Variants in CPNE5 observed in about 807,000 individuals in gnomAD.
CPNE5 encodes the protein copine 5.
A neutral mutation model predicts 81.1 loss-of-function variants in CPNE5; 42 were observed. The observed-to-expected ratio is 0.52, with a 90% CI of 0.40 to 0.67. The LOEUF (loss-of-function observed/expected upper bound fraction) is 0.67, where lower values mean the gene tolerates loss of function less well. CPNE5 is among the 30% of genes least tolerant of loss of function. The probability of loss-of-function intolerance (pLI) is 0.00; values close to 1 mark genes in which losing one functional copy is unlikely to be tolerated. For missense variants in CPNE5, 612 were observed against 815.5 expected (o/e 0.75, Z 3.04); for synonymous variants, 313 against 321.5 (o/e 0.97, Z 0.28).
At chr6:36,756,138 C>T (rs571026886) in intron 13 of CPNE5, 107 bp downstream of exon 13, 29 of 714,204 alleles carry the variant, frequency 4.1e-5, no homozygotes, top group East Asian at 6.6e-5. Context: ...CTGATTCCCA[C>T]GCTCAGCCCC....
intron 1 of CPNE5, among the ~76,000 whole-genome samples, chr6:36,837,876 G>A (rs570888225): frequency 2.2e-4 from 34 of 152,196 alleles, no homozygotes; most frequent in African/African-American, 7.7e-4. Flanking sequence ...TGGGGAGGCC[G>A]TGCTGCTTTT....
At chr6:36,756,871 G>A (rs1048660124) in intron 12 of CPNE5, among the ~76,000 whole-genome samples, 4 of 152,172 alleles carry the variant, frequency 2.6e-5, no homozygotes, top group African/African-American at 9.7e-5. Flanking sequence ...TAAATCATGG[G>A]GCTAGGCTCA....
chr6:36,767,496 T>C (rs976451789), intron 10 of CPNE5, among the ~76,000 whole-genome samples: 4 of 152,228 alleles, frequency 2.6e-5, no homozygotes, highest in African/African-American at 9.7e-5. Flanking sequence ...ACTTCGGTCA[T>C]GGCCCCACAA....
intron 8 of CPNE5, among the ~76,000 whole-genome samples, chr6:36,779,292 G>A (rs931878653): frequency 6.6e-6 from 1 of 152,180 alleles, no homozygotes; most frequent in African/African-American, 2.4e-5. Flanking sequence ...GTTTTCATGA[G>A]GACTAAATGA....
chr6:36,807,712 T>A (rs567277783), intron 3 of CPNE5, among the ~76,000 whole-genome samples: 2 of 152,246 alleles, frequency 1.3e-5, no homozygotes, highest in South Asian at 4.2e-4. Flanking sequence ...TCTAGATATC[T>A]TCTGTATGCG....
upstream of CPNE5, chr6:36,839,547 C>A (rs118013238): frequency 0.037 from 18,859 of 507,242 alleles, 1,458 homozygotes; most frequent in East Asian, 0.29. The surrounding 1 kb of genome is among the most constrained non-coding windows in gnomAD (Gnocchi z 7.3). Context: ...GGGAAGAGGG[C>A]GGAGGGAGCG....
chr6:36,799,052 C>T (rs1204739760), intron 4 of CPNE5, among the ~76,000 whole-genome samples: 1 of 152,140 alleles, frequency 6.6e-6, no homozygotes, highest in African/African-American at 2.4e-5. Flanking sequence ...CTACAGCTGG[C>T]CTCCTCCCCT....
intron 12 of CPNE5, among the ~76,000 whole-genome samples, chr6:36,760,039 T>A (rs1251595498): frequency 6.7e-6 from 1 of 148,510 alleles, no homozygotes; most frequent in Non-Finnish European, 1.5e-5. Flanking sequence ...AAAACCCATC[T>A]CTACCAAAAA....
At chr6:36,834,254 C>CAAAAAAAA (rs1157250827) in intron 1 of CPNE5, among the ~76,000 whole-genome samples, 462 of 21,606 alleles carry the variant, frequency 0.021, 7 homozygotes, top group South Asian at 0.027. Context: ...GACTGTATCT[C>CAAAAAAAA]AAAAAAAAAA....
intron 11 of CPNE5, among the ~76,000 whole-genome samples, chr6:36,763,914 G>A (rs1359385192): frequency 6.6e-6 from 1 of 152,088 alleles, no homozygotes; most frequent in Non-Finnish European, 1.5e-5. Context: ...ACACCTTCTG[G>A]AGTGCTTACA....
At chr6:36,794,553 C>G in intron 7 of CPNE5, 37 bp downstream of exon 7, 1 of 1,602,940 alleles carries the variant, frequency 6.2e-7, no homozygotes, top group Non-Finnish European at 8.5e-7. Context: ...GGCTGAATGT[C>G]TAAGGACTCC....
In CPNE5 at chr6:36,811,522, CT is replaced by C. The variant is rs759646710; in HGVS notation, c.183+10591del. Reference sequence around the variant, plus strand: ...GGCAGGTGGTGGGCCCATTTTTAAACTTGACTTTGGAGTGCACACTTTCAAC... The same window carrying C: ...GGCAGGTGGTGGGCCCATTTTTAAACTGACTTTGGAGTGCACACTTTCAAC... On this transcript the variant is annotated intron_variant, in intron 3 of 20. Transcript: ENST00000244751. 2.6e-5 allele frequency among the ~76,000 whole-genome samples: 4 copies of C among 152,290 alleles called. No homozygotes were observed. The East Asian group carries it at 5.8e-4, about 22-fold the overall frequency.
At chr6:36,764,088 ACCCC>A (rs1766326512) in intron 11 of CPNE5, among the ~76,000 whole-genome samples, 1 of 38,792 alleles carries the variant, frequency 2.6e-5, no homozygotes, top group Non-Finnish European at 6.2e-5. Flanking sequence ...CCACCCCCCC[ACCCC>A]CCACCGTGAG....
At chr6:36,747,663 C>T (rs1764327510) in intron 15 of CPNE5, among the ~76,000 whole-genome samples, 1 of 152,148 alleles carries the variant, frequency 6.6e-6, no homozygotes, top group Non-Finnish European at 1.5e-5. Flanking sequence ...CTAATAGAGC[C>T]CAGAGCCCAA....
At chr6:36,790,936 AC>A (rs1386416282) in intron 8 of CPNE5, among the ~76,000 whole-genome samples, 1 of 152,262 alleles carries the variant, frequency 6.6e-6, no homozygotes, top group African/African-American at 2.4e-5. Context: ...ATTAATACAT[AC>A]ATTAAAATTC....
At chr6:36,780,104 C>T (rs914220860) in intron 8 of CPNE5, among the ~76,000 whole-genome samples, 1 of 152,222 alleles carries the variant, frequency 6.6e-6, no homozygotes, top group Admixed American at 6.5e-5. Context: ...GCTGGGACTA[C>T]AGGCGCCCGC....
intron 1 of CPNE5, among the ~76,000 whole-genome samples, chr6:36,832,176 C>T (rs562859370): frequency 6.6e-5 from 10 of 152,284 alleles, no homozygotes; most frequent in Admixed American, 2.0e-4. Flanking sequence ...GTCCATTGAC[C>T]GTAGGAAAAT....
At position 36,762,989 on chromosome 6, in the gene CPNE5, A is replaced by G. The variant is rs775457350; in HGVS notation, c.783T>C (p.His261=). The G allele has an allele frequency of 3.7e-6, 6 of 1,614,156 alleles. No individual in the cohort carries two copies. In the South Asian group the frequency reaches 6.6e-5, roughly 18 times the overall value. Residue 261 remains histidine, a synonymous_variant, in exon 12 of 21, where the codon CAT becomes CAC. Coordinates refer to ENST00000244751, the MANE Select transcript of CPNE5 (RefSeq NM_020939.2). ...TGGTGGTGAACTCCCCAATGAAGTCATGGCTGCAAGGGAAGACGGCTGCTG... is the reference window on the plus strand; with the variant it reads ...TGGTGGTGAACTCCCCAATGAAGTCGTGGCTGCAAGGGAAGACGGCTGCTG... ...EVYDWDRDGS[H]DFIGEFTTSY...
At position 36,756,229 on chromosome 6, in the gene CPNE5, C is replaced by A. The variant is rs200517483; in HGVS notation, c.909+16G>T. ...AATGTCTACACCCGGCTGCAGAGAC[C>A]GGGGTGGCTACTCACTGTGCCAGAA... is the stretch of plus-strand genomic sequence containing the variant. On this transcript the variant is annotated intron_variant, in intron 13 of 20. Coordinates refer to ENST00000244751, the MANE Select transcript of CPNE5 (RefSeq NM_020939.2). 1 of 1,611,944 alleles carries A rather than the reference C, an allele frequency of 6.2e-7. No homozygotes were observed. The highest frequency in any genetic ancestry group is 1.7e-5 in the Admixed American group (1 of 59,926).
Sources: allele counts gnomAD v4.1 joint callset (sites outside exome capture counted in the v4.1 genomes callset), GRCh38; gene constraint gnomAD v4.1.1; non-coding constraint Gnocchi (gnomAD v3.1); transcripts MANE v1.5; gene names NCBI Gene and HGNC (gene_info 2026-07-23, HGNC 2026-07-21).